Variants in SEMA5A observed in about 807,000 individuals in gnomAD.
SEMA5A encodes the protein semaphorin-5A.
Under a neutral mutation model 135.5 loss-of-function variants are expected in SEMA5A, and 55 were observed. The observed-to-expected ratio is 0.41, with a 90% CI of 0.33 to 0.51. The LOEUF is 0.51. SEMA5A is among the 20% of genes least tolerant of loss of function. SEMA5A has a pLI of 0.37. For missense variants in SEMA5A, 1,290 were observed against 1,419.9 expected (o/e 0.91, Z 1.47); for synonymous variants, 580 against 546.5 (o/e 1.06, Z -0.85).
At chr5:9,049,246 C>T (rs1736437925) in intron 21 of SEMA5A, among the ~76,000 whole-genome samples, 1 of 152,142 alleles carries the variant, frequency 6.6e-6, no homozygotes, top group Non-Finnish European at 1.5e-5. Flanking sequence ...ACTGCAACCT[C>T]CACCTCCCAG....
chr5:9,402,050 C>G (rs1392330855), intron 2 of SEMA5A, among the ~76,000 whole-genome samples: 1 of 152,208 alleles, frequency 6.6e-6, no homozygotes, highest in Admixed American at 6.5e-5. Flanking sequence ...TACATGTACA[C>G]ACTACATGCT....
intron 3 of SEMA5A, chr5:9,363,407 C>T (rs1754783154): frequency 1.4e-5 from 2 of 141,140 alleles, no homozygotes; most frequent in South Asian, 2.4e-4. Flanking sequence ...GGCTGCTACC[C>T]CCACCTCCTG....
intron 2 of SEMA5A, among the ~76,000 whole-genome samples, chr5:9,404,187 G>C (rs1350149187): frequency 6.6e-6 from 1 of 152,150 alleles, no homozygotes; most frequent in Non-Finnish European, 1.5e-5. Context: ...GCCTACCTCA[G>C]CCTCTCAAAG....
intron 1 of SEMA5A, among the ~76,000 whole-genome samples, chr5:9,523,620 C>A (rs1250747658): frequency 6.6e-6 from 1 of 152,196 alleles, no homozygotes; most frequent in Admixed American, 6.5e-5. Flanking sequence ...AAAATAATCA[C>A]CCTCCTGGGT....
chr5:9,205,170 G>A (rs1745941401), intron 8 of SEMA5A, among the ~76,000 whole-genome samples: 1 of 152,110 alleles, frequency 6.6e-6, no homozygotes, highest in Admixed American at 6.6e-5. Context: ...AAAAACAATG[G>A]TAAGCTCTTG....
At chr5:9,489,760 C>T (rs1734912132) in intron 1 of SEMA5A, among the ~76,000 whole-genome samples, 1 of 152,122 alleles carries the variant, frequency 6.6e-6, no homozygotes, top group Non-Finnish European at 1.5e-5. Context: ...TTATTTCTAA[C>T]ATCATCCATT....
chr5:9,272,551 G>A (rs756257784), intron 5 of SEMA5A, among the ~76,000 whole-genome samples: 6 of 152,094 alleles, frequency 3.9e-5, no homozygotes, highest in East Asian at 3.9e-4. Context: ...CCCTGATCCC[G>A]GTGTATCGTG....
intron 1 of SEMA5A, among the ~76,000 whole-genome samples, chr5:9,473,654 A>G (rs896348580): frequency 9.9e-5 from 15 of 152,084 alleles, no homozygotes; most frequent in Non-Finnish European, 2.1e-4. Context: ...GGAGGAGTAA[A>G]GGAGAAGAGA....
intron 11 of SEMA5A, among the ~76,000 whole-genome samples, chr5:9,178,490 C>A (rs1579550008): frequency 6.6e-6 from 1 of 152,074 alleles, no homozygotes; most frequent in East Asian, 1.9e-4. Context: ...TGCCCCCACA[C>A]CCGGCTACTT....
intron 11 of SEMA5A, among the ~76,000 whole-genome samples, chr5:9,160,349 T>C (rs1743185664): frequency 6.6e-6 from 1 of 152,146 alleles, no homozygotes; most frequent in Admixed American, 6.5e-5. Context: ...CGAGCATCCT[T>C]GGGCAAACAG....
chr5:9,432,398 T>A (rs1011651671), intron 2 of SEMA5A, among the ~76,000 whole-genome samples: 2 of 152,148 alleles, frequency 1.3e-5, no homozygotes, highest in African/African-American at 2.4e-5. Context: ...AAAATAAAAT[T>A]CCTTTCAGGA....
intron 4 of SEMA5A, among the ~76,000 whole-genome samples, chr5:9,323,575 T>C (rs1258888054): frequency 6.6e-6 from 1 of 152,066 alleles, no homozygotes; most frequent in Non-Finnish European, 1.5e-5. Context: ...GCCAGTTGAT[T>C]GGTTATATTT....
In SEMA5A at chr5:9,123,258, C is replaced by CAAAA. The variant is rs57533658; in HGVS notation, c.1600-425_1600-422dup. Among the ~76,000 whole-genome samples the CAAAA allele has an allele frequency of 1.4e-3, 55 of 38,944 alleles. 15 individuals are homozygous for CAAAA. Among genetic ancestry groups the CAAAA allele is most frequent in the Non-Finnish European group, 2.2e-3 (35 of 15,802 alleles). 25.5% of individuals were successfully genotyped at this position (38,944 alleles called of 152,430 possible). A position where few individuals can be genotyped will look rare whatever the true frequency, so the allele number is the denominator to read the frequency against. ...TGAGGGAAGGAGCGAGACTCCGCCT[C>CAAAA]AAAAAAAAAAAAAAAAAAAAAAAAA... is the stretch of plus-strand genomic sequence containing the variant. On this transcript the variant is annotated intron_variant, in intron 13 of 22. Transcript: ENST00000382496.
At chr5:9,390,153 T>A (rs1756088351) in intron 2 of SEMA5A, among the ~76,000 whole-genome samples, 2 of 152,234 alleles carry the variant, frequency 1.3e-5, no homozygotes, top group Non-Finnish European at 1.5e-5. Flanking sequence ...TAACATCTGG[T>A]CCAAATATAA....
At chr5:9,450,510 T>C (rs760280707) in intron 1 of SEMA5A, among the ~76,000 whole-genome samples, 13 of 152,054 alleles carry the variant, frequency 8.5e-5, no homozygotes, top group Non-Finnish European at 1.6e-4. Flanking sequence ...CCATTCTCCC[T>C]CCATAATCAT....
intron 4 of SEMA5A, among the ~76,000 whole-genome samples, chr5:9,320,450 C>G (rs529104860): frequency 2.6e-5 from 4 of 152,178 alleles, no homozygotes; most frequent in Non-Finnish European, 4.4e-5. Flanking sequence ...GCACATTGCC[C>G]CGTAATCCCA....
rs907697520 is a variant in SEMA5A at position 9,371,908 on chromosome 5, C to T, written c.124+7915G>A. Among the ~76,000 whole-genome samples, 3 of 152,178 alleles carry T rather than the reference C, an allele frequency of 2.0e-5. No individual in the cohort carries two copies. The South Asian group carries it at 6.2e-4, about 32-fold the overall frequency. The stretch of plus-strand genomic sequence containing the variant: ...GACAGTTTTCAACAGTTAGCAGTGT[C>T]TTCCTATATGTTAATCAGATTCATA... On this transcript the variant is annotated intron_variant, in intron 3 of 22. Transcript: ENST00000382496.
intron 5 of SEMA5A, among the ~76,000 whole-genome samples, chr5:9,264,633 T>A (rs1233305755): frequency 2.6e-5 from 4 of 150,976 alleles, no homozygotes; most frequent in African/African-American, 9.7e-5. Context: ...TAGTGACACC[T>A]CCCACCCTGA....
rs150391307 is a variant in SEMA5A at position 9,272,976 on chromosome 5, C to T, written c.271-35086G>A. Among the ~76,000 whole-genome samples the T allele has an allele frequency of 9.2e-3, 1,399 of 152,242 alleles. 17 individuals are homozygous for T. The highest frequency in any genetic ancestry group is 0.032 in the African/African-American group (1,339 of 41,556). On this transcript the variant is annotated intron_variant, in intron 5 of 22. Coordinates refer to ENST00000382496, the MANE Select transcript of SEMA5A (RefSeq NM_003966.3). ...TCTCCAAAGGTTCACAACTCCTCAC[C>T]AGCAAGGGAACAAAACTGGACGGAG...
Sources: gnomAD v4.1 joint callset for allele counts (sites outside exome capture counted in the v4.1 genomes callset) on GRCh38, gnomAD v4.1.1 for gene constraint, MANE v1.5 for transcripts, NCBI Gene and HGNC (gene_info 2026-07-23, HGNC 2026-07-21) for gene names.